Variants in CD2AP observed in about 807,000 individuals in gnomAD.
CD2AP encodes the protein CD2 associated protein, also known as CD2-associated protein.
A neutral mutation model predicts 85.1 loss-of-function variants in CD2AP; 46 were observed. That is an observed-to-expected ratio of 0.54 (90% CI 0.43 to 0.69). The LOEUF is 0.69. Ranked by LOEUF, CD2AP falls within the 30% of genes least tolerant of loss-of-function variation. The probability of loss-of-function intolerance (pLI) is 0.00; values close to 1 mark genes in which losing one functional copy is unlikely to be tolerated. For synonymous variants in CD2AP, 255 were observed against 252.9 expected (o/e 1.01, Z -0.08); for missense variants, 769 against 729.5 (o/e 1.05, Z -0.62).
chr6:47,560,956 A>G (rs1391449586), intron 5 of CD2AP, among the ~76,000 whole-genome samples: 2 of 152,162 alleles, frequency 1.3e-5, no homozygotes, highest in African/African-American at 2.4e-5. Context: ...ATTTTACTCT[A>G]AAGACAAACT....
intron 11 of CD2AP, among the ~76,000 whole-genome samples, chr6:47,591,936 C>T (rs1364205896): frequency 6.6e-6 from 1 of 152,040 alleles, no homozygotes; most frequent in Non-Finnish European, 1.5e-5. Flanking sequence ...GTGATTCTCT[C>T]ACCTCGGCCT....
chr6:47,585,378 G>A (rs1236849868), intron 11 of CD2AP, among the ~76,000 whole-genome samples: 1 of 152,056 alleles, frequency 6.6e-6, no homozygotes, highest in Non-Finnish European at 1.5e-5. Context: ...GGAATGACAG[G>A]GACCGAATTT....
At chr6:47,585,269 C>G (rs1264450994) in intron 11 of CD2AP, among the ~76,000 whole-genome samples, 2 of 151,246 alleles carry the variant, frequency 1.3e-5, no homozygotes, top group Non-Finnish European at 2.9e-5. Context: ...CGCCACTGCA[C>G]TCCAGCGTGG....
chr6:47,479,483 G>A (rs1333182844), intron 1 of CD2AP, among the ~76,000 whole-genome samples: 4 of 152,000 alleles, frequency 2.6e-5, no homozygotes, highest in African/African-American at 9.7e-5. Flanking sequence ...CTCCTTTCAG[G>A]TAACTTTCAT....
At chr6:47,547,793 A>G (rs972184848) in intron 4 of CD2AP, among the ~76,000 whole-genome samples, 3 of 152,142 alleles carry the variant, frequency 2.0e-5, no homozygotes. Context: ...GAACCTCAGT[A>G]AATTTAAGAA....
chr6:47,556,013 A>G (rs1381049728), intron 5 of CD2AP, among the ~76,000 whole-genome samples: 2 of 151,182 alleles, frequency 1.3e-5, no homozygotes, highest in African/African-American at 4.9e-5. Flanking sequence ...TATAAACCTC[A>G]GTGCACTCAG....
At chr6:47,493,082 G>C (rs1374519992) in intron 1 of CD2AP, among the ~76,000 whole-genome samples, 1 of 152,034 alleles carries the variant, frequency 6.6e-6, no homozygotes, top group East Asian at 1.9e-4. Flanking sequence ...GCAATACATT[G>C]TTACTATTAT....
intron 5 of CD2AP, among the ~76,000 whole-genome samples, chr6:47,571,645 A>G (rs2114092611): frequency 6.6e-6 from 1 of 152,282 alleles, no homozygotes; most frequent in Non-Finnish European, 1.5e-5. Context: ...CAGTCTGTGA[A>G]TGCATACAGT....
At chr6:47,612,571 A>G in intron 17 of CD2AP, 35 bp downstream of exon 17, 1 of 1,437,958 alleles carries the variant, frequency 7.0e-7, no homozygotes, top group Non-Finnish European at 9.8e-7. Context: ...GAGTTTAGTG[A>G]GCATAAACTG....
chr6:47,500,217 C>T (rs983885767), intron 1 of CD2AP, among the ~76,000 whole-genome samples: 7 of 152,076 alleles, frequency 4.6e-5, no homozygotes, highest in Non-Finnish European at 1.0e-4. Context: ...AAGGAAAATG[C>T]CATACTATTT....
At chr6:47,621,674 G>C (rs1055312831) in intron 17 of CD2AP, among the ~76,000 whole-genome samples, 11 of 151,966 alleles carry the variant, frequency 7.2e-5, no homozygotes, top group African/African-American at 2.7e-4. Context: ...ATCTGGTCCT[G>C]GGCTTTTTTT....
chr6:47,487,582 C>T (rs931511325), intron 1 of CD2AP, among the ~76,000 whole-genome samples: 3 of 151,918 alleles, frequency 2.0e-5, no homozygotes, highest in Non-Finnish European at 2.9e-5. Flanking sequence ...CCCAGCTGCT[C>T]GGGAGGCTGA....
At chr6:47,590,521 G>T (rs1170509231) in intron 11 of CD2AP, among the ~76,000 whole-genome samples, 4 of 152,162 alleles carry the variant, frequency 2.6e-5, no homozygotes, top group Non-Finnish European at 5.9e-5. Context: ...CGTATACACA[G>T]ATTTTTTTCA....
intron 2 of CD2AP, among the ~76,000 whole-genome samples, chr6:47,515,746 G>A (rs913826451): frequency 1.1e-4 from 17 of 151,900 alleles, no homozygotes; most frequent in African/African-American, 3.9e-4. Context: ...AAAGATCTTA[G>A]CATTATAAAA....
chr6:47,595,861 A>G lies in CD2AP; in HGVS notation c.1109A>G (p.Asp370Gly), dbSNP rs560966029. The G allele has an allele frequency of 6.2e-7, 1 of 1,611,020 alleles. No individual in the cohort carries two copies. Among genetic ancestry groups the G allele is most frequent in the African/African-American group, 1.3e-5 (1 of 74,906 alleles). ...ACTTGTGAAATATTTTAAATCTTAG[A>G]TGAAAAATCAACACTGGAACAGAAA... ...KYFSLKPEEK[D>G]EKSTLEQKPS... The change falls in exon 12 of 18, where the codon GAT (aspartate) becomes GGT (glycine). Residue 370 changes from aspartate (D) to glycine (G), a missense_variant and splice_region_variant. Asp to Gly is a moderately conservative substitution (Grantham distance 94, BLOSUM62 -1). Coordinates refer to ENST00000359314, the MANE Select transcript of CD2AP (RefSeq NM_012120.3).
At chr6:47,538,039 C>T (rs1247175152) in intron 3 of CD2AP, among the ~76,000 whole-genome samples, 1 of 152,030 alleles carries the variant, frequency 6.6e-6, no homozygotes, top group Admixed American at 6.5e-5. Flanking sequence ...ACCCAAGCCA[C>T]TGCTCCGGGC....
intron 5 of CD2AP, among the ~76,000 whole-genome samples, chr6:47,563,409 T>C (rs1189035146): frequency 6.6e-6 from 1 of 152,196 alleles, no homozygotes; most frequent in Non-Finnish European, 1.5e-5. Flanking sequence ...TTAGAAAATA[T>C]AATCTGCAAC....
chr6:47,599,942 C>T (rs547162308), intron 13 of CD2AP, among the ~76,000 whole-genome samples: 1 of 151,202 alleles, frequency 6.6e-6, no homozygotes, highest in Non-Finnish European at 1.5e-5. Flanking sequence ...GGTTTTTCAG[C>T]TTACTGATAT....
chr6:47,600,722 T>C (rs1455935689), intron 13 of CD2AP, among the ~76,000 whole-genome samples: 1 of 151,988 alleles, frequency 6.6e-6, no homozygotes. Flanking sequence ...TTTTAAAAAA[T>C]CATTCTTTTT....
Sources: gnomAD v4.1 joint callset for allele counts (sites outside exome capture counted in the v4.1 genomes callset) on GRCh38, gnomAD v4.1.1 for gene constraint, MANE v1.5 for transcripts, NCBI Gene and HGNC (gene_info 2026-07-23, HGNC 2026-07-21) for gene names.